The following KREMEN1 variants were observed in gnomAD, a reference collection of about 807,000 sequenced individuals.
KREMEN1 encodes the protein kringle containing transmembrane protein 1.
KREMEN1 carries 30 observed loss-of-function variants against 46.5 expected under a neutral mutation model. The observed-to-expected ratio is 0.65, with a 90% CI of 0.48 to 0.88. The LOEUF (loss-of-function observed/expected upper bound fraction) is 0.88, where lower values mean the gene tolerates loss of function less well. Among genes scored for constraint, KREMEN1 ranks in the 40% least tolerant of loss-of-function variants. The pLI is 0.00. For missense variants in KREMEN1, 533 were observed against 596.9 expected (o/e 0.89, Z 1.11); for synonymous variants, 214 against 230.6 (o/e 0.93, Z 0.65).
intron 5 of KREMEN1, among the ~76,000 whole-genome samples, chr22:29,133,581 A>G (rs1048906432): frequency 1.7e-4 from 26 of 152,174 alleles, no homozygotes; most frequent in African/African-American, 6.0e-4. Context: ...GATTACAGGC[A>G]TGAGCCACCA....
chr22:29,142,168 T>C lies in KREMEN1; in HGVS notation c.*56T>C. The C allele has an allele frequency of 1.3e-6, 2 of 1,486,354 alleles. No homozygotes were observed. The highest frequency in any genetic ancestry group is 2.3e-5 in the Admixed American group (1 of 43,608). The allele number at this position is 1,486,354 out of a possible 1,614,324, so 92.1% of individuals were successfully genotyped here. A position where few individuals can be genotyped will look rare whatever the true frequency, so the allele number is the denominator to read the frequency against. On this transcript the variant is annotated 3_prime_UTR_variant, in exon 9 of 9. Coordinates refer to ENST00000400335, the MANE Select transcript of KREMEN1 (RefSeq NM_001039570.3). ...CTCTTTGAGCTCAAGGCTGCCGTGG[T>C]CAACCTCTCCTGTGGTTCTTCTCTG...
In KREMEN1 at chr22:29,145,158, A is replaced by T; in HGVS notation, c.*3046A>T. 1.0e-6 allele frequency: 1 copy of T among 986,028 alleles called. No individual in the cohort carries two copies. 61.1% of individuals were successfully genotyped at this position (986,028 alleles called of 1,614,324 possible). ...GCCACTGCGGCTAGGTAAACACCTG[A>T]GAAAGAAACTGCTCCAGAAGAGATG... On this transcript the variant is annotated 3_prime_UTR_variant, in exon 9 of 9. Transcript: ENST00000400335.
chr22:29,090,607 A>G (rs1180709171), intron 1 of KREMEN1, among the ~76,000 whole-genome samples: 1 of 152,186 alleles, frequency 6.6e-6, no homozygotes, highest in Non-Finnish European at 1.5e-5. Context: ...ATATTCTAGC[A>G]ATCTCAGTTC....
intron 3 of KREMEN1, among the ~76,000 whole-genome samples, chr22:29,114,694 A>G (rs1019407720): frequency 3.3e-5 from 5 of 152,166 alleles, no homozygotes; most frequent in Admixed American, 6.5e-5. Flanking sequence ...ATTTTGTTAT[A>G]GCAGTCTGCG....
intron 1 of KREMEN1, among the ~76,000 whole-genome samples, chr22:29,075,910 C>T (rs145060949): frequency 3.3e-5 from 5 of 152,264 alleles, no homozygotes; most frequent in Admixed American, 3.3e-4. Context: ...AAACAGTTAG[C>T]TCATTCCCCA....
chr22:29,131,558 ATATGTGTGTG>A (rs1266010949), intron 5 of KREMEN1, among the ~76,000 whole-genome samples: 8 of 59,672 alleles, frequency 1.3e-4, no homozygotes, highest in African/African-American at 5.7e-4. Context: ...ATATATATAT[ATATGTGTGTG>A]TGTGTGTGTG....
intron 1 of KREMEN1, among the ~76,000 whole-genome samples, chr22:29,079,286 A>G (rs1009780828): frequency 5.3e-4 from 81 of 152,198 alleles, no homozygotes; most frequent in African/African-American, 1.9e-3. Context: ...TTAAAGAGGA[A>G]TGAATGAATT....
intron 9 of KREMEN1, among the ~76,000 whole-genome samples, chr22:29,160,539 C>CAAAAAAAAAA (rs132303): frequency 9.7e-4 from 100 of 103,484 alleles, no homozygotes; most frequent in African/African-American, 3.4e-3. Flanking sequence ...GACTCCGTCT[C>CAAAAAAAAAA]AAAAAAAAAA....
At position 29,164,000 on chromosome 22, in the gene KREMEN1, C is replaced by T. The variant is rs77625930; in HGVS notation, c.1417-3044C>T. Among the ~76,000 whole-genome samples the T allele has an allele frequency of 7.2e-3, 1,098 of 152,204 alleles. 9 individuals carry two copies. Among genetic ancestry groups the T allele is most frequent in the African/African-American group, 0.025 (1,058 of 41,530 alleles). ...GGCCCATTCACAGATTGAATCATAGCGCACTGCAGCCTCAAACCGCTGGGC... is the reference window on the plus strand; with the variant it reads ...GGCCCATTCACAGATTGAATCATAGTGCACTGCAGCCTCAAACCGCTGGGC... On this transcript the variant is annotated intron_variant, in intron 9 of 9. Coordinates refer to the KREMEN1 transcript ENST00000327813.
intron 1 of KREMEN1, among the ~76,000 whole-genome samples, chr22:29,082,924 G>A (rs773204584): frequency 4.6e-5 from 7 of 152,074 alleles, no homozygotes; most frequent in African/African-American, 7.2e-5. Context: ...AATATCTCAC[G>A]TTTCCTGTAT....
chr22:29,140,205 C>T, intron 7 of KREMEN1, 77 bp from the exon 8 acceptor site: 1 of 1,116,542 alleles, frequency 9.0e-7, no homozygotes, highest in Non-Finnish European at 1.4e-6. Flanking sequence ...GACTTACTCA[C>T]TTGGGTATTC....
chr22:29,146,367 G>C lies in KREMEN1; in HGVS notation c.*4255G>C, dbSNP rs777613630. The C allele has an allele frequency of 8.1e-6, 8 of 985,908 alleles. No individual in the cohort carries two copies. The highest frequency in any genetic ancestry group is 5.2e-4 in the Middle Eastern group (1 of 1,914). 61.1% of individuals were successfully genotyped at this position (985,908 alleles called of 1,614,324 possible). A position where few individuals can be genotyped will look rare whatever the true frequency, so the allele number is the denominator to read the frequency against. On this transcript the variant is annotated 3_prime_UTR_variant, in exon 9 of 9. Coordinates refer to ENST00000400335, the MANE Select transcript of KREMEN1 (RefSeq NM_001039570.3). ...TTCACCCTCTGCCTGCAGACCCCTG[G>C]TGGGCACATCTCACAGGCTTCCGTC...
chr22:29,138,954 A>T, intron 7 of KREMEN1, 172 bp downstream of exon 7: 1 of 957,460 alleles, frequency 1.0e-6, no homozygotes, highest in South Asian at 1.5e-5. Context: ...TTTTCTTATT[A>T]GCTTGGTTCC....
chr22:29,138,808 G>T, intron 7 of KREMEN1, 26 bp downstream of exon 7: 1 of 1,614,206 alleles, frequency 6.2e-7, no homozygotes. Context: ...CGCCACCCAT[G>T]GGGGCTGGAA....
intron 9 of KREMEN1, among the ~76,000 whole-genome samples, chr22:29,164,844 G>A (rs1347601372): frequency 6.6e-6 from 1 of 151,952 alleles, no homozygotes; most frequent in Non-Finnish European, 1.5e-5. Flanking sequence ...CAGGCATGGT[G>A]GCTCACACCT....
At position 29,145,813 on chromosome 22, in the gene KREMEN1, C is replaced by T. The variant is rs146853863; in HGVS notation, c.*3701C>T. The T allele has an allele frequency of 3.9e-5, 38 of 985,416 alleles. No individual in the cohort carries two copies. The highest frequency in any genetic ancestry group is 4.1e-5 in the Non-Finnish European group (34 of 829,966). 61.0% of individuals were successfully genotyped at this position (985,416 alleles called of 1,614,324 possible). ...GGCTCTGGCTCAAGACTCCAATCGG[C>T]CAGAAGCCCACAGAGATCAAAGCAC... On this transcript the variant is annotated 3_prime_UTR_variant, in exon 9 of 9. Transcript: ENST00000400335.
intron 7 of KREMEN1, among the ~76,000 whole-genome samples, chr22:29,139,578 G>A (rs2038727986): frequency 6.6e-6 from 1 of 151,976 alleles, no homozygotes; most frequent in Non-Finnish European, 1.5e-5. Flanking sequence ...ACTCCAACCT[G>A]GGTGACAGAA....
In KREMEN1 at chr22:29,143,433, C is replaced by T. The variant is rs955667370; in HGVS notation, c.*1321C>T. The T allele has an allele frequency of 8.8e-5, 87 of 985,248 alleles. No individual in the cohort carries two copies. The highest frequency in any genetic ancestry group is 7.3e-4 in the African/African-American group (42 of 57,266). The allele number at this position is 985,248 out of a possible 1,614,324, so 61.0% of individuals were successfully genotyped here. ...TGTGGTCCTTCCTTCTGGTGTCCCC[C>T]GTGTTAAAAGATAAAAAACACCCCA... On this transcript the variant is annotated 3_prime_UTR_variant, in exon 9 of 9. Coordinates refer to ENST00000400335, the MANE Select transcript of KREMEN1 (RefSeq NM_001039570.3).
At chr22:29,121,606 TC>T in intron 4 of KREMEN1, 125 bp downstream of exon 4, 1 of 1,062,258 alleles carries the variant, frequency 9.4e-7, no homozygotes, top group Non-Finnish European at 1.4e-6. Context: ...ATTGTATGAT[TC>T]CACTTACATG....
Sources: allele counts gnomAD v4.1 joint callset (sites outside exome capture counted in the v4.1 genomes callset), GRCh38; gene constraint gnomAD v4.1.1; transcripts MANE v1.5; gene names NCBI Gene and HGNC (gene_info 2026-07-23, HGNC 2026-07-21).